Variants in CMKLR1 observed in about 807,000 individuals in gnomAD.
CMKLR1 encodes the protein chemerin chemokine-like receptor 1, also known as chemerin-like receptor 1.
In CMKLR1, 6 loss-of-function variants were observed where a neutral mutation model predicts 8.2. The observed-to-expected ratio is 0.73, with a 90% CI of 0.40 to 1.44. The LOEUF is 1.44. Among genes scored for constraint, CMKLR1 ranks in the 40% most tolerant of loss-of-function variants. CMKLR1 has a pLI of 0.02. For missense variants in CMKLR1, 429 were observed against 478.0 expected (o/e 0.90, Z 0.96); for synonymous variants, 178 against 181.2 (o/e 0.98, Z 0.14).
chr12:108,337,828 G>T (rs1515631), intron 1 of CMKLR1, among the ~76,000 whole-genome samples: 50,354 of 152,046 alleles, frequency 0.33, 9,171 homozygotes, highest in East Asian at 0.69. Flanking sequence ...GCCTCCTCCT[G>T]CACCAGAGGC....
chr12:108,307,948 G>A (rs1891451352), intron 2 of CMKLR1, among the ~76,000 whole-genome samples: 1 of 152,168 alleles, frequency 6.6e-6, no homozygotes, highest in African/African-American at 2.4e-5. Flanking sequence ...CCTTCATCAG[G>A]TCACAAACAA....
intron 2 of CMKLR1, among the ~76,000 whole-genome samples, chr12:108,322,634 A>C (rs1891889020): frequency 6.6e-6 from 1 of 151,714 alleles, no homozygotes; most frequent in Admixed American, 6.6e-5. Context: ...AGTTCCCACA[A>C]GAACTGATTG....
At chr12:108,299,337 C>G (rs997904369) in intron 2 of CMKLR1, among the ~76,000 whole-genome samples, 1 of 152,206 alleles carries the variant, frequency 6.6e-6, no homozygotes, top group African/African-American at 2.4e-5. Context: ...AGGTGGCAGT[C>G]TCTAAAAATC....
rs1477870278 is a variant in CMKLR1, at chr12:108,314,259, T to C, written c.-74+15736A>G. ...GAAATGCAGGGGACACAGAAGTTCC[T>C]AGACACTGACAGTGGCTGGACCATA... On this transcript the variant is annotated intron_variant, in intron 2 of 3. Coordinates refer to ENST00000550402, the MANE Select transcript of CMKLR1 (RefSeq NM_001142343.2). Among the ~76,000 whole-genome samples the C allele has an allele frequency of 2.6e-5, 4 of 152,216 alleles. No homozygotes were observed. The East Asian group carries it at 7.7e-4, about 29-fold the overall frequency.
chr12:108,326,162 G>A (rs1238857093), intron 2 of CMKLR1, among the ~76,000 whole-genome samples: 3 of 152,170 alleles, frequency 2.0e-5, no homozygotes, highest in Non-Finnish European at 2.9e-5. Flanking sequence ...AGGCCCCAAC[G>A]GAGGTGCAAA....
chr12:108,295,839 C>T (rs1463847921), intron 2 of CMKLR1, among the ~76,000 whole-genome samples: 1 of 152,222 alleles, frequency 6.6e-6, no homozygotes, highest in Non-Finnish European at 1.5e-5. Flanking sequence ...CAGATGACAT[C>T]ATGTCGGGCT....
intron 2 of CMKLR1, among the ~76,000 whole-genome samples, chr12:108,322,688 C>T (rs1196606467): frequency 1.3e-5 from 2 of 152,060 alleles, no homozygotes; most frequent in African/African-American, 4.8e-5. Flanking sequence ...CCCTCCTCTC[C>T]TCATGTGATG....
intron 2 of CMKLR1, among the ~76,000 whole-genome samples, chr12:108,294,755 C>T (rs1891086787): frequency 6.6e-6 from 1 of 152,150 alleles, no homozygotes; most frequent in East Asian, 1.9e-4. Context: ...TTTTCTGCGG[C>T]TCATGATCTC....
intron 2 of CMKLR1, among the ~76,000 whole-genome samples, chr12:108,329,553 G>C (rs556456757): frequency 6.6e-6 from 1 of 152,270 alleles, no homozygotes; most frequent in African/African-American, 2.4e-5. Context: ...TAAGTGGGAG[G>C]GTATTTAACA....
chr12:108,327,985 A>T (rs1369138096), intron 2 of CMKLR1, among the ~76,000 whole-genome samples: 1 of 152,182 alleles, frequency 6.6e-6, no homozygotes, highest in Non-Finnish European at 1.5e-5. Context: ...TGGGGAAGGG[A>T]GGGTATCTCC....
At chr12:108,335,674 T>C (rs1174855330) in intron 1 of CMKLR1, among the ~76,000 whole-genome samples, 5 of 152,222 alleles carry the variant, frequency 3.3e-5, no homozygotes, top group African/African-American at 1.2e-4. Context: ...GTCTAGAACT[T>C]TGGTCTCTTA....
intron 2 of CMKLR1, among the ~76,000 whole-genome samples, chr12:108,310,901 G>A (rs1437227681): frequency 6.6e-6 from 1 of 152,138 alleles, no homozygotes; most frequent in Non-Finnish European, 1.5e-5. Context: ...AGCTCACCAG[G>A]GAGGCACATC....
chr12:108,305,558 G>A (rs566779506), intron 2 of CMKLR1, among the ~76,000 whole-genome samples: 1 of 152,300 alleles, frequency 6.6e-6, no homozygotes, highest in Non-Finnish European at 1.5e-5. Context: ...CCAGGGCAGA[G>A]AGAAGGGGCC....
Position 108,292,822 on chromosome 12 carries a change from G to A in CMKLR1, c.141C>T (p.Tyr47=), listed in dbSNP as rs1891030335. 17 of 1,614,074 alleles carry A rather than the reference G, an allele frequency of 1.1e-5. No individual in the cohort carries two copies. The highest frequency in any genetic ancestry group is 1.4e-5 in the Non-Finnish European group (17 of 1,180,034). ...GAATCCCGAGGAAGCAGACGATGCTGTAGACCACCACCAGGAAGATCCTGG... is the reference window on the plus strand; with the variant it reads ...GAATCCCGAGGAAGCAGACGATGCTATAGACCACCACCAGGAAGATCCTGG... The part of the protein sequence containing the change: ...RVTRIFLVVV[Y]SIVCFLGILG... Residue 47 remains tyrosine, a synonymous_variant, in exon 4 of 4, where the codon TAC becomes TAT. Transcript: ENST00000550402.
At chr12:108,297,729 C>T (rs1392177457) in intron 2 of CMKLR1, among the ~76,000 whole-genome samples, 1 of 152,176 alleles carries the variant, frequency 6.6e-6, no homozygotes, top group South Asian at 2.1e-4. Flanking sequence ...CTCCTGTTTC[C>T]CTGAGGGATT....
chr12:108,328,779 C>T (rs1892040575), intron 2 of CMKLR1, among the ~76,000 whole-genome samples: 1 of 152,220 alleles, frequency 6.6e-6, no homozygotes, highest in Non-Finnish European at 1.5e-5. Flanking sequence ...TAATGCCCAG[C>T]CTGGGTTAGT....
chr12:108,314,671 T>A (rs1390238631), intron 2 of CMKLR1, among the ~76,000 whole-genome samples: 1 of 152,240 alleles, frequency 6.6e-6, no homozygotes, highest in African/African-American at 2.4e-5. Flanking sequence ...TTCTCCCTGA[T>A]GTTTTTTCAG....
chr12:108,321,233 A>C (rs1232768905), intron 2 of CMKLR1, among the ~76,000 whole-genome samples: 1 of 152,200 alleles, frequency 6.6e-6, no homozygotes, highest in African/African-American at 2.4e-5. Flanking sequence ...CCTTGAGTGC[A>C]AACTTAGGGA....
intron 2 of CMKLR1, among the ~76,000 whole-genome samples, chr12:108,308,657 T>C (rs1891472504): frequency 1.3e-5 from 2 of 152,132 alleles, no homozygotes; most frequent in Admixed American, 1.3e-4. Flanking sequence ...TATTAGAGGG[T>C]GAGGACGGGC....
Sources: gnomAD v4.1 joint callset for allele counts (sites outside exome capture counted in the v4.1 genomes callset) on GRCh38, gnomAD v4.1.1 for gene constraint, MANE v1.5 for transcripts, NCBI Gene and HGNC (gene_info 2026-07-23, HGNC 2026-07-21) for gene names.